RAPGEF6: variants seen among roughly 807,000 people sequenced by gnomAD.
The protein encoded by RAPGEF6 is Rap guanine nucleotide exchange factor 6, also known as PDZ domain containing guanine nucleotide exchange factor (GEF) 2.
Under a neutral mutation model 171.4 loss-of-function variants are expected in RAPGEF6, and 56 were observed. That is an observed-to-expected ratio of 0.33 (90% CI 0.26 to 0.41). RAPGEF6 has a LOEUF of 0.41. RAPGEF6 is among the 10% of genes least tolerant of loss of function. RAPGEF6 has a pLI of 1.00. For synonymous variants in RAPGEF6, 692 were observed against 650.1 expected (o/e 1.06, Z -0.98); for missense variants, 1,674 against 1,921.4 (o/e 0.87, Z 2.41).
intron 6 of RAPGEF6, among the ~76,000 whole-genome samples, chr5:131,545,351 A>AT (rs1158340912): frequency 5.3e-5 from 8 of 151,824 alleles, no homozygotes; most frequent in Admixed American, 4.6e-4. Flanking sequence ...AACATCTTTA[A>AT]TTTTTTTTAC....
chr5:131,431,457 G>T, intron 25 of RAPGEF6, 108 bp from the exon 26 acceptor site: 2 of 1,193,702 alleles, frequency 1.7e-6, no homozygotes, highest in South Asian at 1.5e-5. Context: ...TACCACAAGT[G>T]TTCATGCCAA....
At chr5:131,558,688 T>G (rs544613187) in intron 5 of RAPGEF6, among the ~76,000 whole-genome samples, 6 of 152,236 alleles carry the variant, frequency 3.9e-5, no homozygotes, top group Non-Finnish European at 8.8e-5. Flanking sequence ...TCTAATTTTC[T>G]AAGTAATTCT....
chr5:131,586,828 G>A (rs896032068), intron 4 of RAPGEF6, among the ~76,000 whole-genome samples: 1 of 152,182 alleles, frequency 6.6e-6, no homozygotes, highest in Non-Finnish European at 1.5e-5. Flanking sequence ...GTAAATTAGT[G>A]CATCAATTTG....
intron 6 of RAPGEF6, among the ~76,000 whole-genome samples, chr5:131,533,947 C>T (rs934803860): frequency 2.6e-5 from 4 of 152,112 alleles, no homozygotes; most frequent in African/African-American, 9.7e-5. Flanking sequence ...CACTAGTACC[C>T]ATCCTTGTTC....
chr5:131,633,211 A>C (rs1045762823), intron 1 of RAPGEF6, among the ~76,000 whole-genome samples: 11 of 152,226 alleles, frequency 7.2e-5, no homozygotes, highest in Admixed American at 2.6e-4. Flanking sequence ...GTGTGCCTGT[A>C]ATCTCAGCTA....
At chr5:131,530,683 G>T (rs993353707) in intron 6 of RAPGEF6, among the ~76,000 whole-genome samples, 5 of 152,128 alleles carry the variant, frequency 3.3e-5, no homozygotes, top group African/African-American at 1.2e-4. Flanking sequence ...CTCATATAAT[G>T]TTTGCTGGCA....
Position 131,431,027 on chromosome 5 carries a change from AAC to A in RAPGEF6, c.4295_4296del (p.Ser1432MetfsTer9), listed in dbSNP as rs773499805. ...TCAGACAGAGAACTGGAGGAGGTCC[AAC>A]TCTTTCTCTCTAGGCTTCCTTTACA... ...GQCKGSLERK[S>X]WTSSSSLSDT... On this transcript the variant is annotated frameshift_variant, in exon 26 of 28. Coordinates refer to ENST00000509018, the MANE Select transcript of RAPGEF6 (RefSeq NM_016340.6). LOFTEE classifies it high-confidence loss of function. 2 of 1,614,086 alleles carry A rather than the reference AAC, an allele frequency of 1.2e-6. No homozygotes were observed. The highest frequency in any genetic ancestry group is 2.7e-5 in the African/African-American group (2 of 74,930).
intron 1 of RAPGEF6, among the ~76,000 whole-genome samples, chr5:131,612,883 A>C (rs1253191375): frequency 6.6e-6 from 1 of 152,224 alleles, no homozygotes; most frequent in South Asian, 2.1e-4. Context: ...TTAACTTTTC[A>C]ATGTTAAAGT....
intron 1 of RAPGEF6, among the ~76,000 whole-genome samples, chr5:131,632,158 A>C (rs1384612775): frequency 1.3e-5 from 2 of 151,890 alleles, no homozygotes; most frequent in African/African-American, 4.8e-5. Flanking sequence ...CCTCACTGAA[A>C]AGTCAAATAG....
At chr5:131,561,116 T>TA (rs571759957) in intron 5 of RAPGEF6, among the ~76,000 whole-genome samples, 9,922 of 148,012 alleles carry the variant, frequency 0.067, 885 homozygotes, top group African/African-American at 0.21. Context: ...TTCTAATACT[T>TA]AAAAAAAAAA....
intron 21 of RAPGEF6, among the ~76,000 whole-genome samples, chr5:131,447,626 C>T (rs1048180992): frequency 2.0e-5 from 3 of 152,084 alleles, no homozygotes; most frequent in African/African-American, 7.2e-5. Flanking sequence ...TTTTGCCATT[C>T]CAAAATAATA....
At chr5:131,547,759 T>C (rs930537971) in intron 6 of RAPGEF6, among the ~76,000 whole-genome samples, 1 of 152,024 alleles carries the variant, frequency 6.6e-6, no homozygotes, top group Non-Finnish European at 1.5e-5. Context: ...TCCGCCCGCC[T>C]AGGTCTCCCA....
rs759935617 is a variant in RAPGEF6, at chr5:131,453,077, G to A, written c.3177C>T (p.Asp1059=). ...ACCTCTGTCGAAACATCATAGCTGG[G>A]TCCATGTTAGCAGAAGTCATTCGAA... ...QVVRMTSANM[D]PAMMFRQRSL... The change falls in exon 21 of 28, where the codon GAC becomes GAT. Residue 1059 remains aspartate, a synonymous_variant. Transcript: ENST00000509018. The A allele has an allele frequency of 6.2e-7, 1 of 1,613,860 alleles. No homozygotes were observed. The highest frequency in any genetic ancestry group is 8.5e-7 in the Non-Finnish European group (1 of 1,179,906).
At position 131,635,190 on chromosome 5, in the gene RAPGEF6, T is replaced by G. The variant is rs1413643178; in HGVS notation, c.-160A>C. 3 of 714,574 alleles carry G rather than the reference T, an allele frequency of 4.2e-6. No individual in the cohort carries two copies. The South Asian group carries it at 5.8e-5, about 14-fold the overall frequency. 44.3% of individuals were successfully genotyped at this position (714,574 alleles called of 1,614,324 possible). ...CAAACAACCCTTCGCAACGCCCGCC[T>G]AAGGCCTCTACCCACGCGCGACTGG... On this transcript the variant is annotated 5_prime_UTR_variant, in exon 1 of 28. Coordinates refer to ENST00000509018, the MANE Select transcript of RAPGEF6 (RefSeq NM_016340.6).
chr5:131,552,096 C>A (rs1425198168), intron 5 of RAPGEF6, among the ~76,000 whole-genome samples: 1 of 151,988 alleles, frequency 6.6e-6, no homozygotes, highest in Non-Finnish European at 1.5e-5. Context: ...ATTTTTCACT[C>A]TGATGTTTGT....
chr5:131,489,759 G>T, intron 14 of RAPGEF6, 105 bp from the exon 15 acceptor site: 1 of 573,724 alleles, frequency 1.7e-6, no homozygotes, highest in Non-Finnish European at 3.0e-6. Flanking sequence ...TGAATAAAAT[G>T]TACTCCTATG....
In RAPGEF6 at chr5:131,509,460, G is replaced by A. The variant is rs1019065780; in HGVS notation, c.805+854C>T. ...CAGGAGGCTGAGGCAGGAGAATGGC[G>A]TGAACCCGGGAGGCGGAGCTTGCAG... On this transcript the variant is annotated intron_variant, in intron 8 of 27. Coordinates refer to ENST00000509018, the MANE Select transcript of RAPGEF6 (RefSeq NM_016340.6). Among the ~76,000 whole-genome samples the A allele has an allele frequency of 1.1e-4, 17 of 151,904 alleles. No individual in the cohort carries two copies. The South Asian group carries it at 1.4e-3, about 13-fold the overall frequency.
In RAPGEF6 at chr5:131,521,505, G is replaced by A; in HGVS notation, c.512C>T (p.Thr171Ile). ...AGGGTTTTCTGTGAGATGCATCTTG[G>A]TAAGATCAGCTGGAAGCTGAAAAAA... ...NSYLSLPADL[T>I]KMHLTENPHP... Residue 171 changes from threonine to isoleucine, a missense_variant, in exon 7 of 28, where the codon ACC becomes ATC. Thr to Ile is a moderately conservative substitution (Grantham distance 89). This residue lies in a region of RAPGEF6 where 1,116 missense variants were observed against 1,321.5 expected (regional missense o/e 0.84). Coordinates refer to ENST00000509018, the MANE Select transcript of RAPGEF6 (RefSeq NM_016340.6). The A allele has an allele frequency of 6.2e-7, 1 of 1,607,236 alleles. No homozygotes were observed. Among genetic ancestry groups the A allele is most frequent in the Non-Finnish European group, 8.5e-7 (1 of 1,177,084 alleles).
chr5:131,459,731 A>C (rs1753781354), intron 19 of RAPGEF6, among the ~76,000 whole-genome samples: 1 of 152,218 alleles, frequency 6.6e-6, no homozygotes, highest in South Asian at 2.1e-4. Context: ...ATAAATTAAA[A>C]AAATTAGCCA....
Sources: gnomAD v4.1 joint callset for allele counts (sites outside exome capture counted in the v4.1 genomes callset) on GRCh38, gnomAD v4.1.1 for gene constraint, gnomAD v4.1.1 regional missense constraint, MANE v1.5 for transcripts, NCBI Gene and HGNC (gene_info 2026-07-23, HGNC 2026-07-21) for gene names.